PDE2A: variants seen among roughly 807,000 people sequenced by gnomAD.
The protein encoded by PDE2A is phosphodiesterase 2A, also known as cGMP-dependent 3',5'-cyclic phosphodiesterase.
PDE2A carries 53 observed loss-of-function variants against 133.6 expected under a neutral mutation model. The observed-to-expected ratio is 0.40, with a 90% CI of 0.32 to 0.50. The LOEUF (loss-of-function observed/expected upper bound fraction) is 0.50, where lower values mean the gene tolerates loss of function less well. PDE2A is among the 20% of genes least tolerant of loss of function. The pLI is 0.73. For missense variants in PDE2A, 796 were observed against 1,232.4 expected (o/e 0.65, Z 5.30); for synonymous variants, 491 against 490.2 (o/e 1.00, Z -0.02).
intron 2 of PDE2A, among the ~76,000 whole-genome samples, chr11:72,634,758 C>A (rs1217326954): frequency 1.3e-5 from 2 of 152,232 alleles, no homozygotes; most frequent in African/African-American, 2.4e-5. Flanking sequence ...CACTTCCAGT[C>A]CCTGACCTGG....
intron 19 of PDE2A, 182 bp from the exon 20 acceptor site, chr11:72,583,697 G>A (rs1035336024): frequency 1.9e-5 from 11 of 588,564 alleles, no homozygotes; most frequent in South Asian, 1.6e-4. Context: ...CAGACCCCGC[G>A]CCGGTTCCTC....
intron 1 of PDE2A, chr11:72,649,248 A>G (rs1377119287): frequency 6.6e-6 from 1 of 152,278 alleles, no homozygotes; most frequent in Non-Finnish European, 1.5e-5. Flanking sequence ...GTTTTATCCC[A>G]GCAAATAAGA....
intron 2 of PDE2A, among the ~76,000 whole-genome samples, chr11:72,622,786 T>G (rs1248376970): frequency 6.6e-6 from 1 of 152,284 alleles, no homozygotes; most frequent in South Asian, 2.1e-4. Context: ...ACAGTGTGAA[T>G]GTACCTACCA....
Position 72,589,804 on chromosome 11 carries a change from A to G in PDE2A, c.832-12T>C, listed in dbSNP as rs1444413431. 1.2e-6 allele frequency: 2 copies of G among 1,613,482 alleles called. No homozygotes were observed. The highest frequency in any genetic ancestry group is 1.7e-6 in the Non-Finnish European group (2 of 1,179,808). Reference sequence around the variant, plus strand: ...TTGTCTCCGATGACCTGAGGAACGGAGTGCAGGGGGCTGGTTAAAGGAAAG... The same window carrying G: ...TTGTCTCCGATGACCTGAGGAACGGGGTGCAGGGGGCTGGTTAAAGGAAAG... On this transcript the variant is annotated splice_polypyrimidine_tract_variant and intron_variant, in intron 10 of 30. Transcript: ENST00000334456.
chr11:72,598,883 C>G (rs746547737), intron 4 of PDE2A: 1 of 985,446 alleles, frequency 1.0e-6, no homozygotes, highest in Non-Finnish European at 1.2e-6. Context: ...CACCCAGGAC[C>G]TTTAAGGTTC....
rs1435099943 is a variant in PDE2A, at chr11:72,588,843, G to A, written c.1011C>T (p.Ser337=). The A allele has an allele frequency of 6.2e-7, 1 of 1,611,524 alleles. No individual in the cohort carries two copies. The highest frequency in any genetic ancestry group is 1.1e-5 in the South Asian group (1 of 90,982). ...AGGCCACCACCTGGTCAGTGGCCCG[G>A]CTGATGACAGGGACACAGAGCATGG... ...LQAMLCVPVI[S]RATDQVVALA... Residue 337 remains serine, a synonymous_variant, in exon 13 of 31, where the codon AGC becomes AGT. Coordinates refer to ENST00000334456, the MANE Select transcript of PDE2A (RefSeq NM_002599.5).
intron 16 of PDE2A, 84 bp from the exon 17 acceptor site, chr11:72,585,028 T>C (rs1855899920): frequency 7.3e-7 from 1 of 1,374,854 alleles, no homozygotes; most frequent in Non-Finnish European, 1.0e-6. Flanking sequence ...AAAGGCCGGA[T>C]TTCCGAGGCC....
intron 2 of PDE2A, chr11:72,636,040 A>G: frequency 7.8e-7 from 1 of 1,274,738 alleles, no homozygotes; most frequent in South Asian, 1.3e-5. Context: ...CAGTAGAGGC[A>G]ACCGTGGATG....
chr11:72,667,999 G>A (rs1271345506), intron 1 of PDE2A, among the ~76,000 whole-genome samples: 1 of 152,202 alleles, frequency 6.6e-6, no homozygotes, highest in East Asian at 1.9e-4. Context: ...GCCTCAGTCT[G>A]ACTTTGGTTT....
chr11:72,642,792 C>A (rs573998028), intron 1 of PDE2A, among the ~76,000 whole-genome samples: 1 of 151,438 alleles, frequency 6.6e-6, no homozygotes, highest in South Asian at 2.1e-4. Context: ...GAGCCCCAGG[C>A]AGAGACCGGC....
chr11:72,594,899 G>C (rs1856401132), intron 6 of PDE2A, among the ~76,000 whole-genome samples: 1 of 152,134 alleles, frequency 6.6e-6, no homozygotes, highest in South Asian at 2.1e-4. Flanking sequence ...TGGTGGGGAG[G>C]GTGTCCCTGC....
At chr11:72,596,526 G>A in intron 6 of PDE2A, 67 bp downstream of exon 6, 1 of 637,516 alleles carries the variant, frequency 1.6e-6, no homozygotes, top group Non-Finnish European at 2.4e-6. Flanking sequence ...ACCCTGGACA[G>A]GCTCCATCCA....
chr11:72,673,272 G>A (rs894558415), intron 1 of PDE2A, among the ~76,000 whole-genome samples: 3 of 151,962 alleles, frequency 2.0e-5, no homozygotes, highest in South Asian at 2.1e-4. Context: ...AGACACATGC[G>A]AATAAACTCT....
chr11:72,653,724 GC>G (rs1854812217), intron 1 of PDE2A, among the ~76,000 whole-genome samples: 1 of 152,194 alleles, frequency 6.6e-6, no homozygotes, highest in Non-Finnish European at 1.5e-5. Context: ...TCCTGAGCTG[GC>G]CCCAGTCCTG....
intron 2 of PDE2A, among the ~76,000 whole-genome samples, chr11:72,629,605 C>A (rs1316381530): frequency 6.6e-6 from 1 of 152,258 alleles, no homozygotes; most frequent in Non-Finnish European, 1.5e-5. Context: ...GGCCCAGCCC[C>A]ACTTGGAGGC....
rs149274321 is a variant in PDE2A, at chr11:72,621,392, T to C, written c.145-12641A>G. Among the ~76,000 whole-genome samples the C allele has an allele frequency of 2.0e-5, 3 of 152,306 alleles. No homozygotes were observed. The East Asian group carries it at 5.8e-4, about 29-fold the overall frequency. Reference sequence around the variant, plus strand: ...TTGAATCACATGCAGCCCGGTCACCTATAGCACAGCTTCAGTCCCTCTTAC... The same window carrying C: ...TTGAATCACATGCAGCCCGGTCACCCATAGCACAGCTTCAGTCCCTCTTAC... On this transcript the variant is annotated intron_variant, in intron 2 of 30. Transcript: ENST00000334456.
At chr11:72,579,218 C>T in intron 27 of PDE2A, 66 bp downstream of exon 27, 1 of 1,271,862 alleles carries the variant, frequency 7.9e-7, no homozygotes, top group Non-Finnish European at 1.2e-6. Flanking sequence ...TGGGAATGCT[C>T]CCCTGGCAAA....
intron 16 of PDE2A, 175 bp from the exon 17 acceptor site, chr11:72,585,119 T>G (rs1206642797): frequency 2.1e-5 from 14 of 667,382 alleles, no homozygotes; most frequent in Non-Finnish European, 2.8e-5. Flanking sequence ...GTTTTGTTTT[T>G]TTTTTTTTTT....
At chr11:72,663,084 C>A (rs1476803490) in intron 1 of PDE2A, among the ~76,000 whole-genome samples, 1 of 152,208 alleles carries the variant, frequency 6.6e-6, no homozygotes, top group Non-Finnish European at 1.5e-5. Context: ...ATCGCCTCCT[C>A]AGGAAGGGTC....
Sources: allele counts gnomAD v4.1 joint callset (sites outside exome capture counted in the v4.1 genomes callset), GRCh38; gene constraint gnomAD v4.1.1; transcripts MANE v1.5; gene names NCBI Gene and HGNC (gene_info 2026-07-23, HGNC 2026-07-21).